Variants in CRTAC1 observed in about 807,000 individuals in gnomAD.
The protein encoded by CRTAC1 is acidic secreted protein in cartilage.
CRTAC1 carries 37 observed loss-of-function variants against 67.8 expected under a neutral mutation model. The observed-to-expected ratio is 0.55, with a 90% CI of 0.42 to 0.72. The LOEUF (loss-of-function observed/expected upper bound fraction) is 0.72. Ranked by LOEUF, CRTAC1 falls within the 30% of genes least tolerant of loss-of-function variation. The probability of loss-of-function intolerance (pLI) is 0.00; values close to 1 mark genes in which losing one functional copy is unlikely to be tolerated. For missense variants in CRTAC1, 780 were observed against 931.6 expected (o/e 0.84, Z 2.12); for synonymous variants, 348 against 371.0 (o/e 0.94, Z 0.71).
At chr10:97,933,187 C>T (rs2051027295) in intron 3 of CRTAC1, among the ~76,000 whole-genome samples, 4 of 152,238 alleles carry the variant, frequency 2.6e-5, no homozygotes, top group African/African-American at 9.6e-5. Flanking sequence ...TGCTCCACAC[C>T]CCGCCCACTG....
At chr10:97,909,463 G>A (rs2050659338) in intron 5 of CRTAC1, among the ~76,000 whole-genome samples, 1 of 152,218 alleles carries the variant, frequency 6.6e-6, no homozygotes, top group African/African-American at 2.4e-5. Context: ...GGGAGAGTCC[G>A]ACCTGCTTTT....
At chr10:97,866,373 C>T (rs1195683608) in intron 14 of CRTAC1, 1 of 152,262 alleles carries the variant, frequency 6.6e-6, no homozygotes, top group Non-Finnish European at 1.5e-5. Context: ...TGCAGGCTGC[C>T]AGGTGCTGGT....
chr10:97,902,380 C>T (rs1051777934), intron 7 of CRTAC1, among the ~76,000 whole-genome samples: 2 of 152,156 alleles, frequency 1.3e-5, no homozygotes, highest in African/African-American at 4.8e-5. Context: ...TACTACCTTA[C>T]GTTGTTTCTT....
intron 2 of CRTAC1, among the ~76,000 whole-genome samples, chr10:97,947,147 C>T (rs887870771): frequency 1.3e-5 from 2 of 152,242 alleles, no homozygotes; most frequent in African/African-American, 4.8e-5. Flanking sequence ...GAATGCTTCA[C>T]TCTTCTTTAA....
At chr10:97,935,066 G>T (rs2051065064) in intron 3 of CRTAC1, among the ~76,000 whole-genome samples, 1 of 152,188 alleles carries the variant, frequency 6.6e-6, no homozygotes, top group African/African-American at 2.4e-5. Context: ...TGCAAGCTAG[G>T]CTCTCCAAGA....
intron 2 of CRTAC1, among the ~76,000 whole-genome samples, chr10:97,979,525 G>A (rs1327664242): frequency 2.0e-5 from 3 of 152,118 alleles, no homozygotes; most frequent in Admixed American, 6.5e-5. Context: ...TTCTTCTTTC[G>A]GCCCTTACAT....
At chr10:97,886,604 A>T (rs541774723) in intron 11 of CRTAC1, among the ~76,000 whole-genome samples, 1 of 152,294 alleles carries the variant, frequency 6.6e-6, no homozygotes, top group South Asian at 2.1e-4. Context: ...AGCGGGGTGA[A>T]AATGGGACTG....
intron 2 of CRTAC1, among the ~76,000 whole-genome samples, chr10:97,965,078 G>A (rs1043076584): frequency 2.0e-5 from 3 of 152,178 alleles, no homozygotes; most frequent in Admixed American, 6.5e-5. Flanking sequence ...ATGAGCACAT[G>A]ACATAAAACT....
chr10:97,976,846 A>C (rs1925556), intron 2 of CRTAC1, among the ~76,000 whole-genome samples: 72,228 of 152,032 alleles, frequency 0.48, 18,318 homozygotes, highest in African/African-American at 0.66. Flanking sequence ...CTTTATATAT[A>C]TTTGTTTCTC....
At chr10:98,005,101 T>A (rs1842760132) in intron 2 of CRTAC1, among the ~76,000 whole-genome samples, 1 of 40,134 alleles carries the variant, frequency 2.5e-5, no homozygotes, top group Non-Finnish European at 4.2e-5. Flanking sequence ...TATATATATA[T>A]TTTTTTTTTT....
chr10:98,001,023 G>T (rs1380387152), intron 2 of CRTAC1, among the ~76,000 whole-genome samples: 2 of 152,146 alleles, frequency 1.3e-5, no homozygotes, highest in African/African-American at 4.8e-5. Context: ...CTAACCAAAA[G>T]AAAGCTGGAA....
At chr10:97,925,407 AGG>A (rs2050898156) in intron 3 of CRTAC1, among the ~76,000 whole-genome samples, 1 of 151,808 alleles carries the variant, frequency 6.6e-6, no homozygotes, top group Admixed American at 6.6e-5. Flanking sequence ...TGTGTGAGTG[AGG>A]GTGTGTGGTG....
intron 3 of CRTAC1, among the ~76,000 whole-genome samples, chr10:97,934,637 G>A (rs1320668528): frequency 1.3e-5 from 2 of 152,136 alleles, no homozygotes; most frequent in African/African-American, 2.4e-5. Context: ...TGTCAGGGTG[G>A]GGAGCGGAGC....
At chr10:98,009,833 A>G (rs1040548461) in intron 2 of CRTAC1, among the ~76,000 whole-genome samples, 1 of 152,124 alleles carries the variant, frequency 6.6e-6, no homozygotes, top group Non-Finnish European at 1.5e-5. Context: ...AGAGTTAGGA[A>G]GCCTTGGGGT....
At chr10:97,992,347 T>C (rs1842478179) in intron 2 of CRTAC1, among the ~76,000 whole-genome samples, 1 of 152,202 alleles carries the variant, frequency 6.6e-6, no homozygotes, top group Non-Finnish European at 1.5e-5. Context: ...GAAAAATATA[T>C]GTTCAAAAAA....
chr10:97,902,538 G>A (rs781489271), intron 7 of CRTAC1, among the ~76,000 whole-genome samples: 1 of 152,226 alleles, frequency 6.6e-6, no homozygotes, highest in Non-Finnish European at 1.5e-5. Context: ...GGGGGACCAG[G>A]CAAAGGGTCC....
intron 2 of CRTAC1, among the ~76,000 whole-genome samples, chr10:97,959,923 T>A (rs141988409): frequency 6.6e-6 from 1 of 152,330 alleles, no homozygotes; most frequent in Non-Finnish European, 1.5e-5. Flanking sequence ...ATGTGTGAAA[T>A]GTTGTCTACC....
intron 1 of CRTAC1, among the ~76,000 whole-genome samples, chr10:98,027,398 C>G (rs1843259956): frequency 6.6e-6 from 1 of 152,138 alleles, no homozygotes; most frequent in African/African-American, 2.4e-5. Flanking sequence ...GGGAAATAGG[C>G]AAATACTCTT....
intron 1 of CRTAC1, among the ~76,000 whole-genome samples, chr10:98,014,470 A>G (rs1298552974): frequency 6.6e-6 from 1 of 152,230 alleles, no homozygotes; most frequent in Non-Finnish European, 1.5e-5. Context: ...AACAGACTGC[A>G]TGAAAATTAA....
Sources: gnomAD v4.1 joint callset for allele counts (sites outside exome capture counted in the v4.1 genomes callset) on GRCh38, gnomAD v4.1.1 for gene constraint, MANE v1.5 for transcripts, NCBI Gene and HGNC (gene_info 2026-07-23, HGNC 2026-07-21) for gene names.